KIF26B: variants seen among roughly 807,000 people sequenced by gnomAD.
KIF26B encodes the protein kinesin family member 26B, also known as kinesin-like protein KIF26B.
A neutral mutation model predicts 151.2 loss-of-function variants in KIF26B; 63 were observed. The observed-to-expected ratio is 0.42, with a 90% CI of 0.34 to 0.51. KIF26B has a LOEUF of 0.51. Among genes scored for constraint, KIF26B ranks in the 20% least tolerant of loss-of-function variants. The pLI is 0.07. For missense variants in KIF26B, 2,813 were observed against 2,913.6 expected (o/e 0.97, Z 0.79); for synonymous variants, 1,357 against 1,262.1 (o/e 1.08, Z -1.59).
chr1:245,366,542 GA>G (rs11362225), intron 2 of KIF26B, among the ~76,000 whole-genome samples: 4,845 of 143,220 alleles, frequency 0.034, 252 homozygotes, highest in African/African-American at 0.11. Flanking sequence ...AAAAAAAAAA[GA>G]AAAAAAAAAA....
chr1:245,190,629 G>GTTTTTTTTTTTTTTTTTTTT (rs768099890), intron 2 of KIF26B, among the ~76,000 whole-genome samples: 1 of 80,078 alleles, frequency 1.2e-5, no homozygotes, highest in African/African-American at 4.2e-5. Flanking sequence ...TTCCCTGAAT[G>GTTTTTTTTTTTTTTTTTTTT]TTTTGTTTTG....
intron 9 of KIF26B, among the ~76,000 whole-genome samples, chr1:245,615,747 C>T (rs890271581): frequency 6.6e-6 from 1 of 152,170 alleles, no homozygotes; most frequent in African/African-American, 2.4e-5. Context: ...AGGGGTCGTG[C>T]GATCGGCAGA....
intron 2 of KIF26B, among the ~76,000 whole-genome samples, chr1:245,249,488 T>A: frequency 9.9e-6 from 1 of 101,386 alleles, no homozygotes; most frequent in South Asian, 3.5e-4. Context: ...TGTGTTAATC[T>A]ATTTTTTTTT....
At chr1:245,363,341 C>T (rs983808030) in intron 2 of KIF26B, among the ~76,000 whole-genome samples, 1 of 152,154 alleles carries the variant, frequency 6.6e-6, no homozygotes, top group Non-Finnish European at 1.5e-5. Flanking sequence ...GGATTAGAGG[C>T]ATGCACCACC....
intron 5 of KIF26B, among the ~76,000 whole-genome samples, chr1:245,577,413 G>C (rs560882335): frequency 6.6e-6 from 1 of 152,198 alleles, no homozygotes; most frequent in Non-Finnish European, 1.5e-5. Context: ...ACAGAATTAA[G>C]CTCTCAACCC....
chr1:245,541,851 C>T (rs1661633264), intron 5 of KIF26B, among the ~76,000 whole-genome samples: 1 of 152,100 alleles, frequency 6.6e-6, no homozygotes, highest in Admixed American at 6.5e-5. Context: ...CCCCTGGGTA[C>T]CCAAACACGG....
intron 3 of KIF26B, among the ~76,000 whole-genome samples, chr1:245,368,666 C>T (rs983524546): frequency 3.9e-5 from 6 of 152,152 alleles, no homozygotes; most frequent in African/African-American, 1.2e-4. Flanking sequence ...ACTCAGACTT[C>T]TTCCACCAAA....
intron 2 of KIF26B, among the ~76,000 whole-genome samples, chr1:245,261,706 T>C (rs12125149): frequency 0.44 from 66,063 of 151,646 alleles, 15,310 homozygotes; most frequent in East Asian, 0.61. Flanking sequence ...CACCTCAGCC[T>C]CTCTATAGCT....
At chr1:245,629,967 AC>A (rs1176687490) in intron 9 of KIF26B, among the ~76,000 whole-genome samples, 4 of 151,544 alleles carry the variant, frequency 2.6e-5, no homozygotes, top group African/African-American at 9.8e-5. Flanking sequence ...TATGTGGCCA[AC>A]AAACATGAAA....
intron 2 of KIF26B, among the ~76,000 whole-genome samples, chr1:245,286,193 G>T (rs1323867819): frequency 2.0e-5 from 3 of 151,974 alleles, no homozygotes; most frequent in African/African-American, 7.3e-5. Flanking sequence ...GTCTCTGGGG[G>T]TACCTGTGGA....
chr1:245,449,885 GTTATC>G (rs1659347607), intron 4 of KIF26B, among the ~76,000 whole-genome samples: 1 of 152,194 alleles, frequency 6.6e-6, no homozygotes, highest in African/African-American at 2.4e-5. Flanking sequence ...CAGTCTGCTT[GTTATC>G]TTATGCAATT....
intron 4 of KIF26B, among the ~76,000 whole-genome samples, chr1:245,486,614 G>A (rs1660286562): frequency 6.6e-6 from 1 of 152,166 alleles, no homozygotes; most frequent in Admixed American, 6.5e-5. Flanking sequence ...CTTTATGGGT[G>A]AAGAAATGAA....
At chr1:245,510,024 G>A (rs572070732) in intron 4 of KIF26B, among the ~76,000 whole-genome samples, 65 of 152,308 alleles carry the variant, frequency 4.3e-4, no homozygotes, top group Middle Eastern at 6.8e-3. Flanking sequence ...CTGGGCTGCA[G>A]TGCCATGAAC....
chr1:245,347,274 A>G (rs976026857), intron 2 of KIF26B, among the ~76,000 whole-genome samples: 32 of 151,960 alleles, frequency 2.1e-4, no homozygotes, highest in African/African-American at 7.5e-4. Context: ...TTAACCTCAC[A>G]CATCTCATTA....
In KIF26B at chr1:245,516,832, G is replaced by T. The variant is rs1407295942; in HGVS notation, c.1167-23935G>T. On this transcript the variant is annotated intron_variant, in intron 4 of 14. Transcript: ENST00000407071. The surrounding 1 kb of genome is among the most constrained non-coding windows in gnomAD (Gnocchi z 4.2). ...CTCTTCAGCTGAACACAAAAGTTCC[G>T]GTTACCAGACTGTCCCTGGATACTG... Among the ~76,000 whole-genome samples, 2 of 152,116 alleles carry T rather than the reference G, an allele frequency of 1.3e-5. No homozygotes were observed. The highest frequency in any genetic ancestry group is 1.9e-4 in the East Asian group (1 of 5,184).
rs138408196 is a variant in KIF26B, at chr1:245,573,669, T to G, written c.1351-28908T>G. ...GAGGCAGAAATTTGCTTTTGCTCAT[T>G]GCAAACTGGCCAAGGAAAAAAAAAG... is the stretch of plus-strand genomic sequence containing the variant. On this transcript the variant is annotated intron_variant, in intron 5 of 14. Transcript: ENST00000407071. Among the ~76,000 whole-genome samples the G allele has an allele frequency of 4.8e-3, 732 of 151,904 alleles. 11 individuals are homozygous for G. Among genetic ancestry groups the G allele is most frequent in the Admixed American group, 0.032 (481 of 15,226 alleles).
At chr1:245,376,033 T>C (rs697312) in intron 3 of KIF26B, among the ~76,000 whole-genome samples, 19,048 of 152,102 alleles carry the variant, frequency 0.13, 1,521 homozygotes, top group East Asian at 0.38. Context: ...ATTACAATTA[T>C]GTAAGTCTCA....
chr1:245,346,757 T>G (rs1280404352), intron 2 of KIF26B, among the ~76,000 whole-genome samples: 5 of 152,188 alleles, frequency 3.3e-5, no homozygotes. Flanking sequence ...CATCATCTCA[T>G]TTCAAGCATC....
intron 6 of KIF26B, among the ~76,000 whole-genome samples, chr1:245,605,185 G>A (rs942424737): frequency 6.6e-6 from 1 of 151,466 alleles, no homozygotes; most frequent in Non-Finnish European, 1.5e-5. Context: ...GTGATTCCTC[G>A]AGTTGACACA....
Sources: allele counts gnomAD v4.1 joint callset (sites outside exome capture counted in the v4.1 genomes callset), GRCh38; gene constraint gnomAD v4.1.1; non-coding constraint Gnocchi (gnomAD v3.1); transcripts MANE v1.5; gene names NCBI Gene and HGNC (gene_info 2026-07-23, HGNC 2026-07-21).